The following RBMS3 variants were observed in gnomAD, a reference collection of about 807,000 sequenced individuals.
RBMS3 encodes the protein RNA binding motif single stranded interacting protein 3.
Under a neutral mutation model 66.8 loss-of-function variants are expected in RBMS3, and 27 were observed. The observed-to-expected ratio is 0.40, with a 90% CI of 0.30 to 0.56. The LOEUF (loss-of-function observed/expected upper bound fraction) is 0.56, where lower values mean the gene tolerates loss of function less well. Ranked by LOEUF, RBMS3 falls within the 20% of genes least tolerant of loss-of-function variation. The probability of loss-of-function intolerance (pLI) is 0.40; values close to 1 mark genes in which losing one functional copy is unlikely to be tolerated. For synonymous variants in RBMS3, 188 were observed against 183.0 expected (o/e 1.03, Z -0.22); for missense variants, 513 against 549.5 (o/e 0.93, Z 0.66).
intron 1 of RBMS3, among the ~76,000 whole-genome samples, chr3:29,357,807 G>A (rs1295871251): frequency 3.9e-5 from 6 of 152,152 alleles, no homozygotes; most frequent in African/African-American, 1.2e-4. Flanking sequence ...CAGTGATGAT[G>A]AGCATTTTTT....
chr3:29,908,527 G>A (rs532855822), intron 10 of RBMS3, among the ~76,000 whole-genome samples: 1 of 152,088 alleles, frequency 6.6e-6, no homozygotes, highest in African/African-American at 2.4e-5. Context: ...GTATGAGCAA[G>A]TTGTAAATCA....
At chr3:29,511,200 G>A (rs1307553590) in intron 3 of RBMS3, among the ~76,000 whole-genome samples, 1 of 152,184 alleles carries the variant, frequency 6.6e-6, no homozygotes, top group East Asian at 1.9e-4. Context: ...GGGAGGCTGA[G>A]GCGGGAGAAT....
At chr3:29,572,463 G>C (rs1160653091) in intron 3 of RBMS3, among the ~76,000 whole-genome samples, 1 of 152,014 alleles carries the variant, frequency 6.6e-6, no homozygotes, top group Non-Finnish European at 1.5e-5. Flanking sequence ...TTTTTTGAGG[G>C]TTTTTATTAT....
At chr3:29,841,683 T>C (rs1330770448) in intron 6 of RBMS3, among the ~76,000 whole-genome samples, 2 of 152,040 alleles carry the variant, frequency 1.3e-5, no homozygotes, top group Non-Finnish European at 2.9e-5. Flanking sequence ...TCCACCTCTG[T>C]TTACTGGAAA....
chr3:29,860,656 G>T (rs1395084297), intron 6 of RBMS3, among the ~76,000 whole-genome samples: 1 of 152,152 alleles, frequency 6.6e-6, no homozygotes, highest in African/African-American at 2.4e-5. Context: ...CACTTTGCCA[G>T]GAGCAAAGTT....
rs150085090 is a variant in RBMS3, at chr3:29,284,779, A to G, written c.75+3023A>G. On this transcript the variant is annotated intron_variant, in intron 1 of 14. Coordinates refer to ENST00000383767, the MANE Select transcript of RBMS3 (RefSeq NM_001003793.3). ...TGACTCATATCTATAATGTGTAACA[A>G]TGTTGTCATCCTGTGCTCCCTCTTT... Among the ~76,000 whole-genome samples the G allele has an allele frequency of 2.6e-5, 4 of 151,644 alleles. No homozygotes were observed. The East Asian group carries it at 7.8e-4, about 29-fold the overall frequency.
chr3:29,669,589 G>A (rs576909520), intron 4 of RBMS3, among the ~76,000 whole-genome samples: 3 of 152,164 alleles, frequency 2.0e-5, no homozygotes, highest in Non-Finnish European at 2.9e-5. Flanking sequence ...GTGACTGGTA[G>A]ATAAAAATTA....
At chr3:29,436,807 G>A (rs535728844) in intron 2 of RBMS3, among the ~76,000 whole-genome samples, 1 of 152,190 alleles carries the variant, frequency 6.6e-6, no homozygotes, top group Non-Finnish European at 1.5e-5. Context: ...CTGGGGTAGA[G>A]CCCAAGAATA....
At position 29,576,624 on chromosome 3, in the gene RBMS3, A is replaced by G. The variant is rs529753278; in HGVS notation, c.308-10490A>G. On this transcript the variant is annotated intron_variant, in intron 3 of 14. Coordinates refer to ENST00000383767, the MANE Select transcript of RBMS3 (RefSeq NM_001003793.3). The stretch of plus-strand genomic sequence containing the variant: ...CAGAGATACTGTCTGGGAGCCAGGG[A>G]TTGTAGTCAAAAACCTTAAAAATTT... 2.0e-5 allele frequency among the ~76,000 whole-genome samples: 3 copies of G among 152,206 alleles called. No individual in the cohort carries two copies. In the South Asian group the frequency reaches 6.2e-4, roughly 32 times the overall value.
At chr3:29,864,991 AGGAAG>A (rs797019095) in intron 6 of RBMS3, among the ~76,000 whole-genome samples, 1,300 of 107,588 alleles carry the variant, frequency 0.012, 32 homozygotes, top group East Asian at 0.07. Context: ...GGAGGAAGGA[AGGAAG>A]GGAAGGGAAA....
At chr3:29,384,831 G>C (rs9819400) in intron 1 of RBMS3, among the ~76,000 whole-genome samples, 38,770 of 152,088 alleles carry the variant, frequency 0.25, 5,121 homozygotes, top group African/African-American at 0.34. Flanking sequence ...TGTTGTGAGC[G>C]GGGAAGAGAG....
At chr3:29,668,364 T>C (rs1476399605) in intron 4 of RBMS3, among the ~76,000 whole-genome samples, 10 of 152,192 alleles carry the variant, frequency 6.6e-5, no homozygotes, top group Admixed American at 6.5e-4. Context: ...CAATACCACT[T>C]TGAGAGCTGC....
intron 4 of RBMS3, among the ~76,000 whole-genome samples, chr3:29,705,634 C>T (rs1019152859): frequency 1.3e-5 from 2 of 152,146 alleles, no homozygotes; most frequent in Non-Finnish European, 2.9e-5. Flanking sequence ...TTATTTCCTA[C>T]ATTGACTCAC....
intron 4 of RBMS3, chr3:29,614,940 CCACT>C (rs1305336331): frequency 6.6e-6 from 1 of 152,070 alleles, no homozygotes; most frequent in Non-Finnish European, 1.5e-5. Flanking sequence ...GTTTATTTTC[CCACT>C]CAAAGTGTTA....
chr3:29,490,526 A>G (rs2148917444), intron 3 of RBMS3, among the ~76,000 whole-genome samples: 2 of 152,232 alleles, frequency 1.3e-5, no homozygotes, highest in South Asian at 2.1e-4. Flanking sequence ...AAGTAGTAGT[A>G]GTAGGTTTTG....
At chr3:29,342,736 C>T (rs7644260) in intron 1 of RBMS3, among the ~76,000 whole-genome samples, 50,172 of 151,900 alleles carry the variant, frequency 0.33, 8,423 homozygotes, top group Admixed American at 0.36. Context: ...TATGTTAAAA[C>T]CTATACGTAG....
chr3:29,708,040 C>G (rs186497996), intron 4 of RBMS3, among the ~76,000 whole-genome samples: 1 of 152,302 alleles, frequency 6.6e-6, no homozygotes, highest in African/African-American at 2.4e-5. Context: ...GGGCTGATTG[C>G]ACCTTCCGTT....
At chr3:29,970,646 C>T (rs1374785376) in intron 12 of RBMS3, among the ~76,000 whole-genome samples, 1 of 152,174 alleles carries the variant, frequency 6.6e-6, no homozygotes, top group African/African-American at 2.4e-5. Flanking sequence ...CTAAAATCCT[C>T]AATCCCATAC....
At chr3:29,446,332 A>T (rs1008264395) in intron 2 of RBMS3, among the ~76,000 whole-genome samples, 2 of 152,180 alleles carry the variant, frequency 1.3e-5, no homozygotes, top group Non-Finnish European at 1.5e-5. Context: ...ATATAGCAGG[A>T]ATAGTTAAAT....
Sources: allele counts gnomAD v4.1 joint callset (sites outside exome capture counted in the v4.1 genomes callset), GRCh38; gene constraint gnomAD v4.1.1; transcripts MANE v1.5; gene names NCBI Gene and HGNC (gene_info 2026-07-23, HGNC 2026-07-21).